Variants in SAFB observed in about 807,000 individuals in gnomAD.
SAFB encodes scaffold attachment factor B1.
A neutral mutation model predicts 101.6 loss-of-function variants in SAFB; 15 were observed. That is an observed-to-expected ratio of 0.15 (90% CI 0.10 to 0.23). The LOEUF is 0.23. Among genes scored for constraint, SAFB ranks in the 10% least tolerant of loss-of-function variants. SAFB has a pLI of 1.00. For missense variants in SAFB, 930 were observed against 1,104.1 expected (o/e 0.84, Z 2.23); for synonymous variants, 449 against 407.5 (o/e 1.10, Z -1.23).
intron 2 of SAFB, among the ~76,000 whole-genome samples, chr19:5,626,800 C>A (rs549775592): frequency 6.6e-6 from 1 of 152,118 alleles, no homozygotes; most frequent in Non-Finnish European, 1.5e-5. Flanking sequence ...TAATTCCAGG[C>A]GACTCGGGGC....
At chr19:5,659,387 C>CTT (rs879802096) in intron 14 of SAFB, among the ~76,000 whole-genome samples, 2 of 148,790 alleles carry the variant, frequency 1.3e-5, no homozygotes, top group African/African-American at 2.5e-5. Flanking sequence ...CTTTTATTCC[C>CTT]TTTTTTTTTT....
At chr19:5,645,680 T>C (rs1599349555) in intron 5 of SAFB, among the ~76,000 whole-genome samples, 1 of 152,290 alleles carries the variant, frequency 6.6e-6, no homozygotes, top group South Asian at 2.1e-4. Flanking sequence ...TCATTGCTTG[T>C]GGCAGGGGAA....
chr19:5,636,099 T>A (rs2053589814), intron 2 of SAFB, among the ~76,000 whole-genome samples: 1 of 151,988 alleles, frequency 6.6e-6, no homozygotes, highest in South Asian at 2.1e-4. Flanking sequence ...GGGGGAGCTT[T>A]CCCCTGAGAA....
At chr19:5,654,842 A>G (rs932861854) in intron 13 of SAFB, among the ~76,000 whole-genome samples, 2 of 152,248 alleles carry the variant, frequency 1.3e-5, no homozygotes, top group African/African-American at 4.8e-5. Context: ...TGCTGGGATT[A>G]CAGGCATGAG....
chr19:5,628,126 C>A (rs1469443628), intron 2 of SAFB, among the ~76,000 whole-genome samples: 1 of 152,134 alleles, frequency 6.6e-6, no homozygotes, highest in Non-Finnish European at 1.5e-5. Flanking sequence ...TGGCGGGCTC[C>A]TGTAATCCCA....
At chr19:5,661,894 T>A in intron 15 of SAFB, 86 bp downstream of exon 15, 1 of 1,074,556 alleles carries the variant, frequency 9.3e-7, no homozygotes, top group South Asian at 1.7e-5. Context: ...GATTTTTTTT[T>A]TTTTTTTTGA....
chr19:5,659,699 A>G (rs1227687612), intron 14 of SAFB, among the ~76,000 whole-genome samples: 1 of 151,906 alleles, frequency 6.6e-6, no homozygotes, highest in Non-Finnish European at 1.5e-5. Context: ...TAAAAAGAAA[A>G]AAAAAAAAAA....
At chr19:5,660,310 CTT>C (rs578193077) in intron 14 of SAFB, among the ~76,000 whole-genome samples, 1 of 66,432 alleles carries the variant, frequency 1.5e-5, no homozygotes, top group Non-Finnish European at 3.1e-5. Flanking sequence ...CACTGAGGTG[CTT>C]TTTTTTTTTA....
chr19:5,640,932 C>CTTT (rs60475807), intron 2 of SAFB, among the ~76,000 whole-genome samples: 1 of 138,292 alleles, frequency 7.2e-6, no homozygotes, highest in Non-Finnish European at 1.6e-5. Flanking sequence ...TTTTGTTTTT[C>CTTT]TTTTTTTTTT....
intron 2 of SAFB, among the ~76,000 whole-genome samples, chr19:5,632,721 A>G (rs1311745832): frequency 6.6e-6 from 1 of 152,130 alleles, no homozygotes; most frequent in African/African-American, 2.4e-5. Flanking sequence ...TACACCAGAC[A>G]TGTTGTATTC....
In SAFB at chr19:5,651,321, A is replaced by T. The variant is rs556760738; in HGVS notation, c.1293+249A>T. 2.6e-5 allele frequency among the ~76,000 whole-genome samples: 4 copies of T among 152,100 alleles called. No individual in the cohort carries two copies. In the East Asian group the frequency reaches 7.7e-4, roughly 29 times the overall value. Reference sequence around the variant, plus strand: ...CCCCCTTCCCTGTGATGGCTCGTGGATCCATTTCTGTGTCCTCAGGACGTC... The same window carrying T: ...CCCCCTTCCCTGTGATGGCTCGTGGTTCCATTTCTGTGTCCTCAGGACGTC... On this transcript the variant is annotated intron_variant, in intron 9 of 20. Transcript: ENST00000588852.
intron 1 of SAFB, chr19:5,624,114 G>T (rs908496558): frequency 6.6e-6 from 1 of 151,538 alleles, no homozygotes; most frequent in South Asian, 2.1e-4. Flanking sequence ...CAGAGCCTGG[G>T]CTCCCCCAGC....
chr19:5,650,653 C>T (rs1221013465), intron 8 of SAFB, among the ~76,000 whole-genome samples: 3 of 152,142 alleles, frequency 2.0e-5, no homozygotes, highest in African/African-American at 4.8e-5. Flanking sequence ...CCTCGTGATT[C>T]GCCCACCTCA....
intron 4 of SAFB, 119 bp from the exon 5 acceptor site, chr19:5,645,218 G>T: frequency 1.8e-6 from 1 of 570,738 alleles, no homozygotes; most frequent in Non-Finnish European, 3.2e-6. Context: ...TTTCTGCCCT[G>T]GGTTTAAAAT....
intron 14 of SAFB, among the ~76,000 whole-genome samples, chr19:5,658,161 C>A (rs1342931522): frequency 6.6e-6 from 1 of 152,072 alleles, no homozygotes; most frequent in East Asian, 2.0e-4. Context: ...CCACACCCGG[C>A]TCATTTTTGT....
chr19:5,634,500 G>A (rs937532836), intron 2 of SAFB, among the ~76,000 whole-genome samples: 5 of 151,992 alleles, frequency 3.3e-5, no homozygotes, highest in African/African-American at 1.2e-4. Flanking sequence ...ATAGTAATAA[G>A]AAAGACCTGA....
Position 5,668,121 on chromosome 19 carries a change from A to AG in SAFB, c.2625-39dup, listed in dbSNP as rs766289978. ...TGCAGGCTGGGATGGGCCGGGGAGC[A>AG]GGAGGACTTCGCAGTCAAACCAATG... On this transcript the variant is annotated intron_variant, in intron 20 of 20. Coordinates refer to ENST00000588852, the MANE Select transcript of SAFB (RefSeq NM_001201338.2). 4 of 1,597,068 alleles carry AG rather than the reference A, an allele frequency of 2.5e-6. No homozygotes were observed. In the Admixed American group the frequency reaches 7.1e-5, roughly 29 times the overall value.
chr19:5,624,523 T>C (rs1234296925), intron 1 of SAFB, among the ~76,000 whole-genome samples: 1 of 152,028 alleles, frequency 6.6e-6, no homozygotes, highest in Non-Finnish European at 1.5e-5. Flanking sequence ...CTGCCTTTTT[T>C]CCACCTGGCT....
In SAFB at chr19:5,640,882, G is replaced by A. The variant is rs142955587; in HGVS notation, c.275-712G>A. 2.1e-3 allele frequency among the ~76,000 whole-genome samples: 311 copies of A among 151,488 alleles called. 1 individual carries two copies. Among genetic ancestry groups the A allele is most frequent in the African/African-American group, 7.0e-3 (287 of 41,288 alleles). ...CTGGACTTAACAGGCATGAGCCACCGTGCCCAGCCCCTCTGGAGTATCTTG... is the reference window on the plus strand; with the variant it reads ...CTGGACTTAACAGGCATGAGCCACCATGCCCAGCCCCTCTGGAGTATCTTG... On this transcript the variant is annotated intron_variant, in intron 2 of 20. Coordinates refer to ENST00000588852, the MANE Select transcript of SAFB (RefSeq NM_001201338.2).
Sources: gnomAD v4.1 joint callset for allele counts (sites outside exome capture counted in the v4.1 genomes callset) on GRCh38, gnomAD v4.1.1 for gene constraint, MANE v1.5 for transcripts, NCBI Gene and HGNC (gene_info 2026-07-23, HGNC 2026-07-21) for gene names.